The following VAV3 variants were observed in gnomAD, a reference collection of about 807,000 sequenced individuals.
The protein encoded by VAV3 is guanine nucleotide exchange factor VAV3.
VAV3 carries 94 observed loss-of-function variants against 131.2 expected under a neutral mutation model. The observed-to-expected ratio is 0.72, with a 90% CI of 0.61 to 0.85. VAV3 has a LOEUF of 0.85. Ranked by LOEUF, VAV3 falls within the 40% of genes least tolerant of loss-of-function variation. VAV3 has a pLI of 0.00. For synonymous variants in VAV3, 349 were observed against 342.0 expected (o/e 1.02, Z -0.22); for missense variants, 939 against 1,002.7 (o/e 0.94, Z 0.86).
intron 2 of VAV3, among the ~76,000 whole-genome samples, chr1:107,865,437 G>A (rs902985020): frequency 2.6e-5 from 4 of 152,132 alleles, no homozygotes; most frequent in African/African-American, 9.7e-5. Flanking sequence ...TTGAGTCACC[G>A]CAGACAAGGG....
intron 1 of VAV3, among the ~76,000 whole-genome samples, chr1:107,936,001 T>A (rs1052017542): frequency 2.0e-5 from 3 of 152,160 alleles, no homozygotes; most frequent in Admixed American, 2.0e-4. Flanking sequence ...GAGGACACAT[T>A]TATGCCCCTT....
intron 15 of VAV3, among the ~76,000 whole-genome samples, chr1:107,722,728 G>T (rs567375693): frequency 2.0e-5 from 3 of 152,062 alleles, no homozygotes; most frequent in Non-Finnish European, 4.4e-5. Context: ...GAGCAGCACC[G>T]AGGCGCTGTT....
In VAV3 at chr1:107,913,880, T is replaced by C. The variant is rs892293143; in HGVS notation, c.205-38863A>G. On this transcript the variant is annotated intron_variant, in intron 1 of 26. Transcript: ENST00000370056. ...GCATGATCTCAGCTCACTGCAACCA[T>C]CGCCTTCAGGTTCAAGCGATTCTTC... Among the ~76,000 whole-genome samples, 11 of 152,266 alleles carry C rather than the reference T, an allele frequency of 7.2e-5. No individual in the cohort carries two copies. In the East Asian group the frequency reaches 1.9e-3, roughly 27 times the overall value.
rs911826751 is a variant in VAV3 at position 107,801,550 on chromosome 1, T to C, written c.322-22058A>G. Among the ~76,000 whole-genome samples, 297 of 152,236 alleles carry C rather than the reference T, an allele frequency of 2.0e-3. 5 individuals are homozygous for C. Among genetic ancestry groups the C allele is most frequent in the Non-Finnish European group, 6.2e-4 (42 of 67,986 alleles). On this transcript the variant is annotated intron_variant, in intron 2 of 26. Coordinates refer to ENST00000370056, the MANE Select transcript of VAV3 (RefSeq NM_006113.5). ...ACTTAGAAGTATGCACCTGTAACAATAGCTGAGTGTTGGCCAATCTCAGAG... is the reference window on the plus strand; with the variant it reads ...ACTTAGAAGTATGCACCTGTAACAACAGCTGAGTGTTGGCCAATCTCAGAG...
chr1:107,650,137 T>C (rs1376608622), intron 19 of VAV3, among the ~76,000 whole-genome samples: 1 of 151,998 alleles, frequency 6.6e-6, no homozygotes, highest in Non-Finnish European at 1.5e-5. Flanking sequence ...AACTTGAAAG[T>C]ACTTGAGGGA....
intron 1 of VAV3, among the ~76,000 whole-genome samples, chr1:107,909,533 C>T (rs1173829173): frequency 3.3e-5 from 5 of 152,110 alleles, no homozygotes; most frequent in Admixed American, 3.3e-4. Flanking sequence ...CCATTTTAAT[C>T]CAATTGGTAC....
intron 15 of VAV3, among the ~76,000 whole-genome samples, chr1:107,722,179 T>C (rs1661541753): frequency 6.6e-6 from 1 of 152,196 alleles, no homozygotes; most frequent in African/African-American, 2.4e-5. Flanking sequence ...AGCCTCATTC[T>C]CCACTGTGAT....
At chr1:107,653,145 A>C (rs1306043930) in intron 19 of VAV3, among the ~76,000 whole-genome samples, 1 of 151,858 alleles carries the variant, frequency 6.6e-6, no homozygotes, top group Non-Finnish European at 1.5e-5. Context: ...TTGATTTATA[A>C]GCTAAAATGA....
chr1:107,726,551 CCTT>C (rs143269617), intron 15 of VAV3, among the ~76,000 whole-genome samples: 13,739 of 152,134 alleles, frequency 0.09, 837 homozygotes, highest in East Asian at 0.25. Flanking sequence ...CATCAAAAAG[CCTT>C]CTTCACTAAA....
chr1:107,795,178 C>T (rs17020064), intron 2 of VAV3, among the ~76,000 whole-genome samples: 12,755 of 152,204 alleles, frequency 0.084, 793 homozygotes, highest in East Asian at 0.27. Flanking sequence ...TCTCATCTGC[C>T]AAGCTGATTT....
chr1:107,632,984 A>T (rs1654616741), intron 20 of VAV3, among the ~76,000 whole-genome samples: 1 of 152,216 alleles, frequency 6.6e-6, no homozygotes, highest in Non-Finnish European at 1.5e-5. Context: ...ATGACAACTA[A>T]TAATGTCTTT....
At chr1:107,631,201 AATTTAT>A (rs1654450178) in intron 20 of VAV3, among the ~76,000 whole-genome samples, 1 of 151,990 alleles carries the variant, frequency 6.6e-6, no homozygotes, top group African/African-American at 2.4e-5. Context: ...AGATATATAA[AATTTAT>A]ATTTATACTA....
intron 19 of VAV3, among the ~76,000 whole-genome samples, chr1:107,664,834 A>C (rs1657299684): frequency 1.3e-5 from 2 of 152,228 alleles, no homozygotes. Flanking sequence ...TGAATGATAG[A>C]TAAATAGGAA....
chr1:107,815,402 C>T (rs1325885215), intron 2 of VAV3, among the ~76,000 whole-genome samples: 1 of 152,192 alleles, frequency 6.6e-6, no homozygotes, highest in Non-Finnish European at 1.5e-5. Flanking sequence ...GGCTGAAGTA[C>T]AGGATAATTG....
chr1:107,941,481 T>C (rs775538935), intron 1 of VAV3, among the ~76,000 whole-genome samples: 41 of 152,218 alleles, frequency 2.7e-4, no homozygotes, highest in Non-Finnish European at 5.6e-4. Flanking sequence ...GAACTTCTTT[T>C]GATTCCAGAA....
chr1:107,816,989 C>T (rs923723404), intron 2 of VAV3, among the ~76,000 whole-genome samples: 2 of 152,200 alleles, frequency 1.3e-5, no homozygotes, highest in Admixed American at 1.3e-4. Flanking sequence ...CAGTATACCA[C>T]ACACCCTCAC....
chr1:107,720,214 A>C (rs2101915484), intron 15 of VAV3, among the ~76,000 whole-genome samples: 1 of 151,794 alleles, frequency 6.6e-6, no homozygotes, highest in African/African-American at 2.4e-5. Context: ...TATAATAAAA[A>C]AATAAAAATA....
intron 1 of VAV3, among the ~76,000 whole-genome samples, chr1:107,893,097 C>T (rs1280261431): frequency 6.6e-6 from 1 of 152,176 alleles, no homozygotes; most frequent in Non-Finnish European, 1.5e-5. Context: ...GCTCCAGTGT[C>T]AACTTACAAA....
rs547778973 is a variant in VAV3, at chr1:107,686,806, G to A, written c.1731+1575C>T. ...ATTTAAAAAGTATAAAAGTGCCTGTGAGAATTATTTAGTATCACATGAAAA... is the reference window on the plus strand; with the variant it reads ...ATTTAAAAAGTATAAAAGTGCCTGTAAGAATTATTTAGTATCACATGAAAA... On this transcript the variant is annotated intron_variant, in intron 18 of 26. Coordinates refer to ENST00000370056, the MANE Select transcript of VAV3 (RefSeq NM_006113.5). Among the ~76,000 whole-genome samples the A allele has an allele frequency of 6.5e-4, 99 of 152,278 alleles. 1 individual carries two copies. The Middle Eastern group carries it at 0.01, about 16-fold the overall frequency.
Sources: allele counts gnomAD v4.1 joint callset (sites outside exome capture counted in the v4.1 genomes callset), GRCh38; gene constraint gnomAD v4.1.1; transcripts MANE v1.5; gene names NCBI Gene and HGNC (gene_info 2026-07-23, HGNC 2026-07-21).